GVQW3: variants seen among roughly 807,000 people sequenced by gnomAD.
GVQW3 encodes GVQW motif containing 3, also known as protein GVQW3.
GVQW3 carries 7 observed loss-of-function variants against 12.5 expected under a neutral mutation model. That is an observed-to-expected ratio of 0.56 (90% CI 0.32 to 1.05). GVQW3 has a LOEUF of 1.05. Ranked by LOEUF, GVQW3 falls within the 50% of genes least tolerant of loss-of-function variation. GVQW3 has a pLI of 0.04. For synonymous variants in GVQW3, 71 were observed against 67.2 expected, an observed-to-expected ratio of 1.06 and a Z score of -0.28; for missense variants, 188 against 190.8, an observed-to-expected ratio of 0.99 and a Z score of 0.09.
intron 1 of GVQW3, chr11:76,389,830 A>G (rs2134544445): frequency 6.6e-6 from 1 of 152,340 alleles, no homozygotes; most frequent in East Asian, 1.9e-4. Context: ...ACCTCCTCCC[A>G]TACTGGGACA....
At chr11:76,389,941 T>G (rs963324708) in intron 1 of GVQW3, 2 of 152,192 alleles carry the variant, frequency 1.3e-5, no homozygotes, top group Non-Finnish European at 2.9e-5. Flanking sequence ...ACCAAACTCT[T>G]AAGGTTTGCA....
intron 1 of GVQW3, among the ~76,000 whole-genome samples, chr11:76,398,506 T>C (rs12289946): frequency 0.13 from 19,751 of 151,974 alleles, 1,679 homozygotes; most frequent in African/African-American, 0.23. Context: ...AGAGACGGGG[T>C]TTTACCATGT....
At chr11:76,400,662 C>T (rs543825287) in intron 1 of GVQW3, among the ~76,000 whole-genome samples, 4 of 152,074 alleles carry the variant, frequency 2.6e-5, no homozygotes, top group Admixed American at 6.5e-5. Flanking sequence ...TCAGGTGATC[C>T]GCCCACCTCA....
intron 1 of GVQW3, chr11:76,390,046 A>G (rs1946876714): frequency 6.6e-6 from 1 of 152,228 alleles, no homozygotes; most frequent in Non-Finnish European, 1.5e-5. Context: ...TCATGTAGCT[A>G]ATGCCTATCC....
rs116136985 is a variant in GVQW3, at chr11:76,386,105, G to A, written c.465+3812G>A. Reference sequence around the variant, plus strand: ...GGCTTTCAGGTTGATCTTTGTCCCCGCCCCCACGCTCATTCTAATTCAAAG... The same window carrying A: ...GGCTTTCAGGTTGATCTTTGTCCCCACCCCCACGCTCATTCTAATTCAAAG... On this transcript the variant is annotated intron_variant, in intron 1 of 1. Coordinates refer to ENST00000529331, the MANE Select transcript of GVQW3 (RefSeq NM_001347885.2). Among the ~76,000 whole-genome samples, 1,283 of 152,126 alleles carry A rather than the reference G, an allele frequency of 8.4e-3. 18 individuals carry two copies. Among genetic ancestry groups the A allele is most frequent in the African/African-American group, 0.03 (1,230 of 41,504 alleles).
chr11:76,389,237 T>C (rs182886856), intron 1 of GVQW3, among the ~76,000 whole-genome samples: 1 of 152,334 alleles, frequency 6.6e-6, no homozygotes, highest in East Asian at 1.9e-4. Context: ...AAAAAATGAC[T>C]TTTAAAAAGA....
Position 76,407,431 on chromosome 11 carries a change from G to A in GVQW3, c.*3673G>A, listed in dbSNP as rs1168170318. 2 of 151,908 alleles carry A rather than the reference G, an allele frequency of 1.3e-5. No individual in the cohort carries two copies. The highest frequency in any genetic ancestry group is 4.8e-5 in the African/African-American group (2 of 41,304). 9.4% of individuals were successfully genotyped at this position (151,908 alleles called of 1,614,324 possible). A position where few individuals can be genotyped will look rare whatever the true frequency, so the allele number is the denominator to read the frequency against. On this transcript the variant is annotated 3_prime_UTR_variant, in exon 2 of 2. Coordinates refer to ENST00000529331, the MANE Select transcript of GVQW3 (RefSeq NM_001347885.2). Reference sequence around the variant, plus strand: ...TTCTCTACTAAAAATACAAAAATTAGCTGGGTGTGGTGGTGCATGCCTGTA... The same window carrying A: ...TTCTCTACTAAAAATACAAAAATTAACTGGGTGTGGTGGTGCATGCCTGTA...
chr11:76,399,896 C>T (rs1013135650), intron 1 of GVQW3, among the ~76,000 whole-genome samples: 2 of 152,062 alleles, frequency 1.3e-5, no homozygotes, highest in Admixed American at 1.3e-4. Context: ...ACTGTTGGCT[C>T]TCCTGGGTCT....
chr11:76,398,423 T>C (rs554618363), intron 1 of GVQW3, among the ~76,000 whole-genome samples: 1 of 152,304 alleles, frequency 6.6e-6, no homozygotes, highest in African/African-American at 2.4e-5. Flanking sequence ...GTGATTCTCA[T>C]GCCTCAGCCT....
intron 1 of GVQW3, among the ~76,000 whole-genome samples, chr11:76,388,045 G>A (rs1274662139): frequency 2.0e-5 from 3 of 152,196 alleles, no homozygotes; most frequent in Admixed American, 2.0e-4. Flanking sequence ...ATTTTGTGCT[G>A]TTTTTGACTA....
rs1287838988 is a variant in GVQW3 at position 76,407,759 on chromosome 11, C to T, written c.*4001C>T. Reference sequence around the variant, plus strand: ...AAAAAGAAGGAAATAACCCAAATGTCCCACAATGGAGAAATTGTTAAGAAA... The same window carrying T: ...AAAAAGAAGGAAATAACCCAAATGTTCCACAATGGAGAAATTGTTAAGAAA... On this transcript the variant is annotated 3_prime_UTR_variant, in exon 2 of 2. Coordinates refer to ENST00000529331, the MANE Select transcript of GVQW3 (RefSeq NM_001347885.2). 1 of 151,912 alleles carries T rather than the reference C, an allele frequency of 6.6e-6. No individual in the cohort carries two copies. Among genetic ancestry groups the T allele is most frequent in the East Asian group, 1.9e-4 (1 of 5,184 alleles). 9.4% of individuals were successfully genotyped at this position (151,912 alleles called of 1,614,324 possible).
chr11:76,396,189 T>C (rs1249577459), intron 1 of GVQW3, among the ~76,000 whole-genome samples: 1 of 152,216 alleles, frequency 6.6e-6, no homozygotes, highest in African/African-American at 2.4e-5. Context: ...TATGATTCTT[T>C]ATCCCTAGTA....
At chr11:76,390,758 C>T (rs1266192710) in intron 1 of GVQW3, among the ~76,000 whole-genome samples, 1 of 150,980 alleles carries the variant, frequency 6.6e-6, no homozygotes, top group Non-Finnish European at 1.5e-5. Flanking sequence ...ACCCGGGAGG[C>T]GGAGCTTGCA....
chr11:76,386,717 C>G (rs1375044617), intron 1 of GVQW3, among the ~76,000 whole-genome samples: 2 of 150,282 alleles, frequency 1.3e-5, no homozygotes, highest in African/African-American at 5.0e-5. Context: ...TCTCCAATTA[C>G]TTCTTCTTCA....
intron 1 of GVQW3, among the ~76,000 whole-genome samples, chr11:76,400,038 C>CAT (rs1555029536): frequency 1.3e-4 from 20 of 151,330 alleles, no homozygotes; most frequent in African/African-American, 4.9e-4. Flanking sequence ...CACACACACA[C>CAT]ACACACACAC....
At chr11:76,397,376 G>A (rs973396770) in intron 1 of GVQW3, among the ~76,000 whole-genome samples, 14 of 152,154 alleles carry the variant, frequency 9.2e-5, no homozygotes, top group African/African-American at 3.1e-4. Context: ...ATCAGTTGAT[G>A]GACATTTAGG....
chr11:76,394,816 T>C (rs1379538919), intron 1 of GVQW3, among the ~76,000 whole-genome samples: 2 of 152,240 alleles, frequency 1.3e-5, no homozygotes, highest in African/African-American at 4.8e-5. Flanking sequence ...CAACAGTGTA[T>C]GAGGGTTCCC....
chr11:76,393,532 G>A (rs1216691124), intron 1 of GVQW3, among the ~76,000 whole-genome samples: 1 of 152,022 alleles, frequency 6.6e-6, no homozygotes, highest in Middle Eastern at 3.2e-3. Flanking sequence ...AACTTTTTGA[G>A]CTAGCTCAAT....
chr11:76,381,934 G>A lies in GVQW3; in HGVS notation c.106G>A (p.Glu36Lys). ...HHLLKEAYGD[E>K]VMSRARVFDW... The stretch of plus-strand genomic sequence containing the variant: ...TCTTTTAAAAGAAGCTTATGGGGAT[G>A]AAGTCATGTCAAGGGCCAGAGTTTT... The change falls in exon 1 of 2, where the codon GAA (glutamate) becomes AAA (lysine). Residue 36 changes from glutamate (E) to lysine (K), a missense_variant. Physicochemically the swap from Glu to Lys is moderately conservative, Grantham distance 56. Transcript: ENST00000529331. 3 of 1,536,408 alleles carry A rather than the reference G, an allele frequency of 2.0e-6. No homozygotes were observed. Among genetic ancestry groups the A allele is most frequent in the South Asian group, 1.2e-5 (1 of 84,062 alleles).
Sources: allele counts gnomAD v4.1 joint callset (sites outside exome capture counted in the v4.1 genomes callset), GRCh38; gene constraint gnomAD v4.1.1; transcripts MANE v1.5; gene names NCBI Gene and HGNC (gene_info 2026-07-23, HGNC 2026-07-21).